The following CLSTN2 variants were observed in gnomAD, a reference collection of about 807,000 sequenced individuals.
CLSTN2 encodes the protein calsyntenin-2.
In CLSTN2, 48 loss-of-function variants were observed where a neutral mutation model predicts 101.2. The ratio of observed to expected loss-of-function variants is 0.47; its 90% CI spans 0.38 to 0.60. The LOEUF (loss-of-function observed/expected upper bound fraction) is 0.60. CLSTN2 is among the 20% of genes least tolerant of loss of function. The pLI is 0.00. For missense variants in CLSTN2, 1,160 were observed against 1,238.2 expected (o/e 0.94, Z 0.95); for synonymous variants, 481 against 463.6 (o/e 1.04, Z -0.48).
intron 9 of CLSTN2, among the ~76,000 whole-genome samples, chr3:140,535,838 G>A (rs566423225): frequency 6.6e-6 from 1 of 152,316 alleles, no homozygotes; most frequent in East Asian, 1.9e-4. Context: ...TCTTTTCACT[G>A]TGTCTCACTG....
chr3:140,425,744 T>C (rs144468487), intron 5 of CLSTN2, among the ~76,000 whole-genome samples: 142 of 152,356 alleles, frequency 9.3e-4, no homozygotes, highest in African/African-American at 3.3e-3. Context: ...GCCAGGCACA[T>C]ACATTTTGCT....
rs905733105 is a variant in CLSTN2, at chr3:140,358,211, C to A, written c.233-45418C>A. 2.0e-5 allele frequency among the ~76,000 whole-genome samples: 3 copies of A among 152,196 alleles called. No homozygotes were observed. The East Asian group carries it at 5.8e-4, about 29-fold the overall frequency. ...TGTTAGGGAGACATGGCCAAGCCCC[C>A]CCTCCATCTGTCCTTGGGAAAACTT... On this transcript the variant is annotated intron_variant, in intron 2 of 16. Transcript: ENST00000458420.
At chr3:140,359,722 A>C (rs2087707491) in intron 2 of CLSTN2, among the ~76,000 whole-genome samples, 1 of 152,170 alleles carries the variant, frequency 6.6e-6, no homozygotes, top group African/African-American at 2.4e-5. Flanking sequence ...TCAACTTTAA[A>C]GGAAGATAAT....
chr3:140,511,293 T>C (rs1250568052), intron 8 of CLSTN2, among the ~76,000 whole-genome samples: 2 of 152,204 alleles, frequency 1.3e-5, no homozygotes, highest in African/African-American at 2.4e-5. Flanking sequence ...ATTGATTTCA[T>C]GTCTTTGCTA....
intron 1 of CLSTN2, among the ~76,000 whole-genome samples, chr3:140,145,672 G>A (rs952984564): frequency 6.6e-5 from 10 of 152,188 alleles, no homozygotes; most frequent in Admixed American, 2.6e-4. Flanking sequence ...CACCCTGACC[G>A]AGACCCCTGG....
intron 5 of CLSTN2, among the ~76,000 whole-genome samples, chr3:140,439,224 C>G (rs1252214331): frequency 1.3e-5 from 2 of 152,360 alleles, no homozygotes; most frequent in East Asian, 3.9e-4. Context: ...CCAATGCAGT[C>G]TGCTCAGCAA....
chr3:140,562,798 T>C lies in CLSTN2; in HGVS notation c.2213-13T>C, dbSNP rs1209467405. ...TTCTGCCTTCTGATGACAGGTGTGG[T>C]CTCTTGGCACAGGTGTGGGCTCCAT... On this transcript the variant is annotated splice_polypyrimidine_tract_variant and intron_variant, in intron 13 of 16. Transcript: ENST00000458420. 1.9e-6 allele frequency: 3 copies of C among 1,613,184 alleles called. No homozygotes were observed. Among genetic ancestry groups the C allele is most frequent in the Non-Finnish European group, 2.5e-6 (3 of 1,179,762 alleles).
chr3:140,349,930 C>A (rs2087587593), intron 2 of CLSTN2, among the ~76,000 whole-genome samples: 1 of 152,190 alleles, frequency 6.6e-6, no homozygotes, highest in South Asian at 2.1e-4. Context: ...CCAAGACCAC[C>A]TCTGACATCC....
intron 8 of CLSTN2, among the ~76,000 whole-genome samples, chr3:140,516,727 A>G (rs190678729): frequency 1.2e-4 from 18 of 152,302 alleles, no homozygotes; most frequent in African/African-American, 4.3e-4. Context: ...TTAATTTGAC[A>G]GGTTACCTGA....
chr3:140,150,720 T>G lies in CLSTN2; in HGVS notation c.110-25231T>G, dbSNP rs188172407. ...CATTGGGCTGTATCACAGCTCCACT[T>G]CTTTCTCTGCCCTTGCTGCTTTTTT... On this transcript the variant is annotated intron_variant, in intron 1 of 16. Transcript: ENST00000458420. Among the ~76,000 whole-genome samples the G allele has an allele frequency of 2.0e-3, 310 of 152,256 alleles. 2 individuals are homozygous for G. The highest frequency in any genetic ancestry group is 5.7e-3 in the African/African-American group (236 of 41,550).
chr3:140,464,378 A>T (rs11917662), intron 7 of CLSTN2, among the ~76,000 whole-genome samples: 44,624 of 152,156 alleles, frequency 0.29, 7,868 homozygotes, highest in African/African-American at 0.48. Flanking sequence ...TTCTAATTCA[A>T]GAAAGTGAGC....
chr3:140,212,675 C>T (rs980005091), intron 2 of CLSTN2, among the ~76,000 whole-genome samples: 2 of 152,348 alleles, frequency 1.3e-5, no homozygotes, highest in African/African-American at 4.8e-5. Flanking sequence ...TCACCTTTCA[C>T]AGGTCCTCCT....
At chr3:140,002,546 C>T (rs1362498920) in intron 1 of CLSTN2, among the ~76,000 whole-genome samples, 2 of 152,112 alleles carry the variant, frequency 1.3e-5, no homozygotes, top group East Asian at 3.9e-4. Flanking sequence ...CTTTGCTGTG[C>T]AGAAGCTTTT....
intron 1 of CLSTN2, among the ~76,000 whole-genome samples, chr3:140,081,310 A>G (rs2008595410): frequency 6.6e-6 from 1 of 152,234 alleles, no homozygotes; most frequent in African/African-American, 2.4e-5. Flanking sequence ...ACAGCAATGG[A>G]AAGTTTAATT....
At chr3:140,488,292 A>C (rs1934277801) in intron 8 of CLSTN2, among the ~76,000 whole-genome samples, 1 of 152,208 alleles carries the variant, frequency 6.6e-6, no homozygotes. Context: ...GGAGCAGTCA[A>C]AGGAATGTAG....
At chr3:140,068,897 C>G (rs1250747229) in intron 1 of CLSTN2, among the ~76,000 whole-genome samples, 1 of 152,180 alleles carries the variant, frequency 6.6e-6, no homozygotes, top group Non-Finnish European at 1.5e-5. Context: ...CTGTCTGGTT[C>G]AGATTTCATT....
intron 1 of CLSTN2, among the ~76,000 whole-genome samples, chr3:140,082,302 G>A (rs1053982058): frequency 2.0e-5 from 3 of 152,158 alleles, no homozygotes; most frequent in African/African-American, 7.2e-5. Context: ...GAATATAGAG[G>A]GCTGTGTGCT....
At chr3:140,031,391 C>T (rs577793702) in intron 1 of CLSTN2, among the ~76,000 whole-genome samples, 11 of 152,284 alleles carry the variant, frequency 7.2e-5, no homozygotes, top group African/African-American at 2.6e-4. Context: ...CCCTGGTAGC[C>T]GCTTGGAAGT....
At chr3:140,354,593 T>C (rs574712205) in intron 2 of CLSTN2, among the ~76,000 whole-genome samples, 3 of 152,274 alleles carry the variant, frequency 2.0e-5, no homozygotes, top group East Asian at 3.9e-4. Flanking sequence ...TCCTAAGACA[T>C]GGCAGGAGAC....
Sources: gnomAD v4.1 joint callset for allele counts (sites outside exome capture counted in the v4.1 genomes callset) on GRCh38, gnomAD v4.1.1 for gene constraint, MANE v1.5 for transcripts, NCBI Gene and HGNC (gene_info 2026-07-23, HGNC 2026-07-21) for gene names.